CYP4X1: variants seen among roughly 807,000 people sequenced by gnomAD.
The protein encoded by CYP4X1 is cytochrome P450 4X1.
Under a neutral mutation model 57.9 loss-of-function variants are expected in CYP4X1, and 44 were observed. That is an observed-to-expected ratio of 0.76 (90% CI 0.60 to 0.98). CYP4X1 has a LOEUF of 0.98. Ranked by LOEUF, CYP4X1 falls within the 50% of genes least tolerant of loss-of-function variation. The probability of loss-of-function intolerance (pLI) is 0.00; values close to 1 mark genes in which losing one functional copy is unlikely to be tolerated. For missense variants in CYP4X1, 532 were observed against 623.9 expected (o/e 0.85, Z 1.57); for synonymous variants, 227 against 228.6 (o/e 0.99, Z 0.06).
At chr1:46,973,939 TG>T in the CYP4X1 span, among the ~76,000 whole-genome samples, 1 of 152,064 alleles carries the variant, frequency 6.6e-6, no homozygotes, top group Non-Finnish European at 1.5e-5. Context: ...CTCTGATTTT[TG>T]TTATTATTTT....
At chr1:47,004,599 C>CTT in the CYP4X1 span, among the ~76,000 whole-genome samples, 566 of 149,460 alleles carry the variant, frequency 3.8e-3, 1 homozygote, top group African/African-American at 0.013. Flanking sequence ...GTCTTTTTGC[C>CTT]TTTTTTTTTT....
intron 1 of CYP4X1, among the ~76,000 whole-genome samples, chr1:47,025,449 A>G (rs1644052501): frequency 6.6e-6 from 1 of 152,172 alleles, no homozygotes; most frequent in Non-Finnish European, 1.5e-5. Flanking sequence ...ACATCCACCT[A>G]TGAACTTCTT....
chr1:46,977,364 G>A, the CYP4X1 span, among the ~76,000 whole-genome samples: 1 of 152,158 alleles, frequency 6.6e-6, no homozygotes, highest in South Asian at 2.1e-4. Flanking sequence ...TCAAGTGGAG[G>A]AAAGGGTATC....
chr1:46,968,104 T>G, the CYP4X1 span, among the ~76,000 whole-genome samples: 4 of 151,958 alleles, frequency 2.6e-5, no homozygotes, highest in African/African-American at 7.3e-5. Flanking sequence ...CCCAGATGGG[T>G]GGGCAGGGGA....
intron 8 of CYP4X1, among the ~76,000 whole-genome samples, chr1:47,043,172 G>A (rs1176499031): frequency 6.6e-6 from 1 of 151,978 alleles, no homozygotes; most frequent in Non-Finnish European, 1.5e-5. Context: ...AGGTGGTATT[G>A]CACTGTGGTT....
chr1:47,051,076 G>GAACA (rs1644356506), downstream of CYP4X1, among the ~76,000 whole-genome samples: 1 of 152,120 alleles, frequency 6.6e-6, no homozygotes, highest in East Asian at 1.9e-4. Context: ...TGAAGGATAT[G>GAACA]AACAGACACT....
chr1:47,003,587 T>A, the CYP4X1 span, among the ~76,000 whole-genome samples: 1 of 152,042 alleles, frequency 6.6e-6, no homozygotes, highest in Non-Finnish European at 1.5e-5. Flanking sequence ...CTAAGGGGGT[T>A]TTTACTCATG....
chr1:47,039,670 C>T, intron 8 of CYP4X1, 138 bp downstream of exon 8: 1 of 516,318 alleles, frequency 1.9e-6, no homozygotes. Flanking sequence ...CTTTTCTGTT[C>T]TTTCTAAAGA....
At chr1:46,983,834 G>A in the CYP4X1 span, among the ~76,000 whole-genome samples, 1 of 152,142 alleles carries the variant, frequency 6.6e-6, no homozygotes, top group Admixed American at 6.5e-5. Flanking sequence ...CGAGTGCTGT[G>A]GTGGGGAGTG....
chr1:47,008,501 A>C, the CYP4X1 span, among the ~76,000 whole-genome samples: 7 of 152,256 alleles, frequency 4.6e-5, no homozygotes, highest in African/African-American at 1.7e-4. Context: ...AAGGGCAGGA[A>C]AAAACTGCAT....
the CYP4X1 span, among the ~76,000 whole-genome samples, chr1:46,969,190 C>T: frequency 1.1e-4 from 16 of 152,276 alleles, no homozygotes; most frequent in East Asian, 1.9e-4. Flanking sequence ...TCCCTGCACC[C>T]GCTCTCTTGC....
chr1:46,974,749 C>G, the CYP4X1 span, among the ~76,000 whole-genome samples: 1 of 152,064 alleles, frequency 6.6e-6, no homozygotes, highest in Non-Finnish European at 1.5e-5. Context: ...ATAAGAATAG[C>G]AACTCCTGTT....
At chr1:47,037,278 T>G in intron 6 of CYP4X1, among the ~76,000 whole-genome samples, 1 of 145,986 alleles carries the variant, frequency 6.8e-6, no homozygotes. Flanking sequence ...TTCAATTTTT[T>G]TTTTTTTTTT....
upstream of CYP4X1, among the ~76,000 whole-genome samples, chr1:47,020,578 G>A (rs758006336): frequency 6.6e-6 from 1 of 152,166 alleles, no homozygotes; most frequent in Non-Finnish European, 1.5e-5. Flanking sequence ...CTCCCAGCAT[G>A]TGCCCAGCAC....
At chr1:46,970,512 C>A in the CYP4X1 span, among the ~76,000 whole-genome samples, 4 of 152,172 alleles carry the variant, frequency 2.6e-5, no homozygotes, top group Admixed American at 2.6e-4. Context: ...TCACCTTGAT[C>A]CTATTGAGAA....
At chr1:46,975,733 T>G in the CYP4X1 span, among the ~76,000 whole-genome samples, 5 of 152,156 alleles carry the variant, frequency 3.3e-5, no homozygotes, top group African/African-American at 4.8e-5. Context: ...TTGGGAAATT[T>G]TTGTGAACAA....
the CYP4X1 span, among the ~76,000 whole-genome samples, chr1:46,968,794 A>G: frequency 1.3e-5 from 2 of 152,336 alleles, no homozygotes; most frequent in East Asian, 3.9e-4. Flanking sequence ...CTGTACTTAG[A>G]GGCAAGAGCA....
intron 4 of CYP4X1, 69 bp from the exon 5 acceptor site, chr1:47,035,737 G>A: frequency 1.9e-6 from 3 of 1,555,738 alleles, no homozygotes; most frequent in Non-Finnish European, 2.6e-6. Flanking sequence ...GGGCCAGGCA[G>A]GAGCCTTCAA....
the CYP4X1 span, among the ~76,000 whole-genome samples, chr1:46,999,257 A>G: frequency 6.6e-6 from 1 of 152,126 alleles, no homozygotes; most frequent in Non-Finnish European, 1.5e-5. Flanking sequence ...GTAACTTATA[A>G]TTGACATATT....
Sources: allele counts gnomAD v4.1 joint callset (sites outside exome capture counted in the v4.1 genomes callset), GRCh38; gene constraint gnomAD v4.1.1; transcripts MANE v1.5; gene names NCBI Gene and HGNC (gene_info 2026-07-23, HGNC 2026-07-21).